The following ITGAV variants were observed in gnomAD, a reference collection of about 807,000 sequenced individuals.
The protein encoded by ITGAV is integrin alpha-V.
In ITGAV, 76 loss-of-function variants were observed where a neutral mutation model predicts 143.8. The ratio of observed to expected loss-of-function variants is 0.53; its 90% confidence interval spans 0.44 to 0.64. ITGAV has a LOEUF of 0.64. Ranked by LOEUF, ITGAV falls within the 30% of genes least tolerant of loss-of-function variation. The pLI, the probability that ITGAV is intolerant of heterozygous loss-of-function variation, is 0.00. For missense variants in ITGAV, 1,193 were observed against 1,274.7 expected (o/e 0.94, Z 0.98); for synonymous variants, 453 against 446.7 (o/e 1.01, Z -0.18).
chr2:186,643,863 G>A (rs983463842), intron 12 of ITGAV, among the ~76,000 whole-genome samples: 1 of 152,186 alleles, frequency 6.6e-6, no homozygotes, highest in East Asian at 1.9e-4. Context: ...GAAACGTTTA[G>A]GAAAGTTACA....
At position 186,590,496 on chromosome 2, in the gene ITGAV, T is replaced by C. The variant is rs1354063059; in HGVS notation, c.158T>C (p.Val53Ala). The C allele has an allele frequency of 6.2e-7, 1 of 1,611,014 alleles. No homozygotes were observed. The highest frequency in any genetic ancestry group is 1.1e-5 in the South Asian group (1 of 90,796). The change falls in exon 1 of 30, where the codon GTG becomes GCG. Residue 53 changes from valine (V) to alanine (A), a missense_variant. Coordinates refer to ENST00000261023, the MANE Select transcript of ITGAV (RefSeq NM_002210.5). ...GPEGSYFGFA[V>A]DFFVPSASSR... is the part of the protein sequence containing the mutation. ...GAGGGAAGTTACTTCGGCTTCGCCG[T>C]GGATTTCTTCGTGCCCAGCGCGTCT...
At chr2:186,638,614 A>G (rs1688014619) in intron 10 of ITGAV, 149 bp downstream of exon 10, 4 of 624,974 alleles carry the variant, frequency 6.4e-6, no homozygotes, top group Non-Finnish European at 1.1e-5. Context: ...TCAAACTATT[A>G]TCATTTCTCT....
chr2:186,614,210 C>T (rs945128986), intron 2 of ITGAV, among the ~76,000 whole-genome samples: 1 of 151,870 alleles, frequency 6.6e-6, no homozygotes, highest in African/African-American at 2.4e-5. Context: ...TATGAGAAAA[C>T]CAGACCTACT....
chr2:186,625,678 T>TGTATGTGA, intron 4 of ITGAV, 91 bp downstream of exon 4: 1 of 451,372 alleles, frequency 2.2e-6, no homozygotes, highest in Non-Finnish European at 4.0e-6. Context: ...TGTGTGTGTG[T>TGTATGTGA]GAGAGAGAGA....
rs374003191 is a variant in ITGAV at position 186,614,167 on chromosome 2, A to G, written c.317-8172A>G. Among the ~76,000 whole-genome samples, 194 of 152,246 alleles carry G rather than the reference A, an allele frequency of 1.3e-3. 1 individual carries two copies. Among genetic ancestry groups the G allele is most frequent in the African/African-American group, 4.5e-3 (186 of 41,558 alleles). Reference sequence around the variant, plus strand: ...CTACTTTTTAAAAAACCTTTAAAACATTTTATAAATAATGCATGTCCATTG... The same window carrying G: ...CTACTTTTTAAAAAACCTTTAAAACGTTTTATAAATAATGCATGTCCATTG... On this transcript the variant is annotated intron_variant, in intron 2 of 29. Coordinates refer to ENST00000261023, the MANE Select transcript of ITGAV (RefSeq NM_002210.5).
intron 4 of ITGAV, among the ~76,000 whole-genome samples, chr2:186,628,824 T>C (rs984998409): frequency 6.6e-6 from 1 of 152,108 alleles, no homozygotes; most frequent in Non-Finnish European, 1.5e-5. Flanking sequence ...TTGTCATTAC[T>C]CAGGGAATGA....
At chr2:186,629,572 C>CAAA (rs879770762) in intron 4 of ITGAV, among the ~76,000 whole-genome samples, 5 of 135,536 alleles carry the variant, frequency 3.7e-5, no homozygotes, top group African/African-American at 1.3e-4. Flanking sequence ...TATTTTCTTT[C>CAAA]AAAAAAAAAA....
rs369039601 is a variant in ITGAV, at chr2:186,665,734, C to T, written c.2166+516C>T. On this transcript the variant is annotated intron_variant, in intron 21 of 29. Coordinates refer to ENST00000261023, the MANE Select transcript of ITGAV (RefSeq NM_002210.5). Reference sequence around the variant, plus strand: ...CCTCTAAAAAGTAAACAAAATATACCTTGTAGAATTTCTAGTAGCAAGGAC... The same window carrying T: ...CCTCTAAAAAGTAAACAAAATATACTTTGTAGAATTTCTAGTAGCAAGGAC... 3.9e-5 allele frequency among the ~76,000 whole-genome samples: 6 copies of T among 152,270 alleles called. No individual in the cohort carries two copies. The East Asian group carries it at 1.2e-3, about 29-fold the overall frequency.
At chr2:186,639,135 A>G (rs377555897) in intron 10 of ITGAV, among the ~76,000 whole-genome samples, 1 of 152,214 alleles carries the variant, frequency 6.6e-6, no homozygotes, top group African/African-American at 2.4e-5. Context: ...CAGCTAAAAA[A>G]ATGCTAGTAC....
chr2:186,637,242 G>C (rs1687969669), intron 8 of ITGAV, 133 bp downstream of exon 8: 1 of 706,472 alleles, frequency 1.4e-6, no homozygotes, highest in Non-Finnish European at 2.5e-6. Flanking sequence ...AGCACTTTGG[G>C]AGGCTGAGGC....
chr2:186,677,909 A>C lies in ITGAV; in HGVS notation c.*617A>C, dbSNP rs1231090568. 6.6e-6 allele frequency: 1 copy of C among 152,552 alleles called. No individual in the cohort carries two copies. Among genetic ancestry groups the C allele is most frequent in the African/African-American group, 2.4e-5 (1 of 41,442 alleles). 9.4% of individuals were successfully genotyped at this position (152,552 alleles called of 1,614,324 possible). On this transcript the variant is annotated 3_prime_UTR_variant, in exon 30 of 30. Transcript: ENST00000261023. Reference sequence around the variant, plus strand: ...TTGTTTTAGTATGAAAATCTGGTAGATCCTATTACACTTCTGTTTATATTA... The same window carrying C: ...TTGTTTTAGTATGAAAATCTGGTAGCTCCTATTACACTTCTGTTTATATTA...
intron 12 of ITGAV, among the ~76,000 whole-genome samples, chr2:186,644,826 A>C (rs1486886802): frequency 2.0e-5 from 3 of 151,940 alleles, no homozygotes; most frequent in African/African-American, 4.8e-5. Flanking sequence ...TGTTTAAAAA[A>C]AAAAAAGTAC....
At chr2:186,613,235 A>G (rs908270959) in intron 2 of ITGAV, among the ~76,000 whole-genome samples, 7 of 151,842 alleles carry the variant, frequency 4.6e-5, no homozygotes, top group Non-Finnish European at 1.0e-4. Flanking sequence ...TCATGGCTAG[A>G]AGGAAACAAA....
intron 26 of ITGAV, 21 bp downstream of exon 26, chr2:186,669,835 G>C (rs200416551): frequency 2.8e-6 from 4 of 1,452,940 alleles, no homozygotes; most frequent in Non-Finnish European, 3.9e-6. Flanking sequence ...TTTCAAATAT[G>C]TGCACCATAG....
At chr2:186,653,752 C>T (rs193034941) in intron 15 of ITGAV, among the ~76,000 whole-genome samples, 1 of 152,276 alleles carries the variant, frequency 6.6e-6, no homozygotes, top group Non-Finnish European at 1.5e-5. Context: ...TTCAAATGCA[C>T]TAACTAGAGC....
intron 1 of ITGAV, chr2:186,600,498 CCT>C: frequency 7.4e-7 from 1 of 1,347,850 alleles, no homozygotes; most frequent in Non-Finnish European, 1.0e-6. Flanking sequence ...AAATCTTTCC[CCT>C]CTCATCCTTA....
At chr2:186,619,150 G>A (rs888667360) in intron 2 of ITGAV, among the ~76,000 whole-genome samples, 8 of 149,986 alleles carry the variant, frequency 5.3e-5, no homozygotes, top group Non-Finnish European at 1.2e-4. Flanking sequence ...ATATATTCCT[G>A]TCTCCTGTCT....
rs538408872 is a variant in ITGAV, at chr2:186,613,360, G to A, written c.317-8979G>A. On this transcript the variant is annotated intron_variant, in intron 2 of 29. Coordinates refer to ENST00000261023, the MANE Select transcript of ITGAV (RefSeq NM_002210.5). The stretch of plus-strand genomic sequence containing the variant: ...AGAGGGAGATTTTGATTCTTTATTC[G>A]CTGTGGTAGTAATAACTAACTAACT... 3.9e-5 allele frequency among the ~76,000 whole-genome samples: 6 copies of A among 152,150 alleles called. No individual in the cohort carries two copies. The South Asian group carries it at 6.2e-4, about 16-fold the overall frequency.
chr2:186,669,584 T>C, intron 25 of ITGAV, 117 bp from the exon 26 acceptor site: 1 of 686,006 alleles, frequency 1.5e-6, no homozygotes, highest in Admixed American at 2.7e-5. Context: ...AAATATTCTG[T>C]CATACTAAAT....
Sources: allele counts gnomAD v4.1 joint callset (sites outside exome capture counted in the v4.1 genomes callset), GRCh38; gene constraint gnomAD v4.1.1; transcripts MANE v1.5; gene names NCBI Gene and HGNC (gene_info 2026-07-23, HGNC 2026-07-21).